DSCAML1: variants seen among roughly 807,000 people sequenced by gnomAD.
The protein encoded by DSCAML1 is DS cell adhesion molecule like 1.
Under a neutral mutation model 200.5 loss-of-function variants are expected in DSCAML1, and 38 were observed. The observed-to-expected ratio is 0.19, with a 90% CI of 0.15 to 0.25. The LOEUF (loss-of-function observed/expected upper bound fraction) is 0.25. Ranked by LOEUF, DSCAML1 falls within the 10% of genes least tolerant of loss-of-function variation. The pLI is 1.00. For missense variants in DSCAML1, 2,223 were observed against 2,858.8 expected (o/e 0.78, Z 5.07); for synonymous variants, 1,215 against 1,165.0 (o/e 1.04, Z -0.87).
At chr11:117,517,884 T>C (rs1447926612) in intron 7 of DSCAML1, among the ~76,000 whole-genome samples, 3 of 152,210 alleles carry the variant, frequency 2.0e-5, no homozygotes, top group East Asian at 1.9e-4. Flanking sequence ...GGAGGCTGCC[T>C]TCCTTGGGAC....
intron 11 of DSCAML1, among the ~76,000 whole-genome samples, chr11:117,495,200 CT>C (rs1359830167): frequency 2.0e-5 from 3 of 152,160 alleles, no homozygotes; most frequent in Admixed American, 6.5e-5. Flanking sequence ...AGTGCACCCC[CT>C]GTTATGCTCC....
Position 117,518,906 on chromosome 11 carries a change from C to T in DSCAML1, c.1214-144G>A. 1.1e-6 allele frequency: 1 copy of T among 914,046 alleles called. No homozygotes were observed. The highest frequency in any genetic ancestry group is 1.6e-6 in the Non-Finnish European group (1 of 622,686). The allele number at this position is 914,046 out of a possible 1,614,324, so 56.6% of individuals were successfully genotyped here. On this transcript the variant is annotated intron_variant, in intron 6 of 32. Coordinates refer to ENST00000651296, the MANE Select transcript of DSCAML1 (RefSeq NM_020693.4). The surrounding 1 kb of genome is among the most constrained non-coding windows in gnomAD (Gnocchi z 6.3). ...TTGTGTACATCAATTCTTCTGCTATCCGCAACCCCAAGTGGTGCCAGTTAC... is the reference window on the plus strand; with the variant it reads ...TTGTGTACATCAATTCTTCTGCTATTCGCAACCCCAAGTGGTGCCAGTTAC...
At chr11:117,774,291 C>T (rs144816801) in intron 3 of DSCAML1, among the ~76,000 whole-genome samples, 47 of 152,288 alleles carry the variant, frequency 3.1e-4, no homozygotes, top group Admixed American at 2.2e-3. Context: ...AGTTCCGGCC[C>T]GTGGGAACTG....
intron 1 of DSCAML1, among the ~76,000 whole-genome samples, chr11:117,811,915 G>A (rs1024177786): frequency 1.1e-4 from 17 of 152,182 alleles, no homozygotes; most frequent in Non-Finnish European, 1.6e-4. Flanking sequence ...CATAACTGCT[G>A]TGCGTATTGA....
At chr11:117,616,344 G>T (rs566486562) in intron 3 of DSCAML1, among the ~76,000 whole-genome samples, 1 of 152,282 alleles carries the variant, frequency 6.6e-6, no homozygotes, top group South Asian at 2.1e-4. Context: ...ATAGTGTGTG[G>T]TTCAAGAATT....
chr11:117,752,063 C>T lies in DSCAML1; in HGVS notation c.511+24728G>A, dbSNP rs574779874. Among the ~76,000 whole-genome samples the T allele has an allele frequency of 4.0e-5, 6 of 151,538 alleles. No homozygotes were observed. The East Asian group carries it at 1.2e-3, about 29-fold the overall frequency. On this transcript the variant is annotated intron_variant, in intron 3 of 32. Transcript: ENST00000651296. ...CTGTGTGTGTGTGTGTGTGTCACTT[C>T]AATGTTTCAGAGTATACTGCAGAAG...
chr11:117,591,411 C>T (rs1312327463), intron 3 of DSCAML1, among the ~76,000 whole-genome samples: 1 of 152,232 alleles, frequency 6.6e-6, no homozygotes, highest in African/African-American at 2.4e-5. Flanking sequence ...GATATAGTCA[C>T]AGAAACCTCG....
intron 5 of DSCAML1, among the ~76,000 whole-genome samples, chr11:117,521,796 C>T (rs2049892148): frequency 6.6e-6 from 1 of 152,164 alleles, no homozygotes; most frequent in South Asian, 2.1e-4. Context: ...AGGCTGTCTC[C>T]CATACTTGCG....
At chr11:117,596,874 G>GA (rs368655171) in intron 3 of DSCAML1, among the ~76,000 whole-genome samples, 38 of 152,236 alleles carry the variant, frequency 2.5e-4, no homozygotes, top group African/African-American at 8.2e-4. Context: ...GGTCTCATAG[G>GA]AAAAAAGAGG....
chr11:117,451,313 T>G (rs1277457407), intron 19 of DSCAML1, among the ~76,000 whole-genome samples: 4 of 152,242 alleles, frequency 2.6e-5, no homozygotes, highest in Admixed American at 2.6e-4. Context: ...GGACTCTGCC[T>G]GGGAGACTGG....
intron 3 of DSCAML1, among the ~76,000 whole-genome samples, chr11:117,689,040 C>G (rs1302942131): frequency 3.3e-5 from 5 of 152,168 alleles, no homozygotes; most frequent in Non-Finnish European, 7.3e-5. Context: ...AGCAGCACAA[C>G]CACCATCCTC....
In DSCAML1 at chr11:117,503,213, C is replaced by A. The variant is rs1428259504; in HGVS notation, c.2359+632G>T. ...GGGGGCAGCACCGAGTTGTAATGAG[C>A]TGCATTGGTCCTTGGGCTTTTCTGA... On this transcript the variant is annotated intron_variant, in intron 11 of 32. Transcript: ENST00000651296. This position sits in a 1 kb window ranked among gnomAD's most constrained non-coding sequence, Gnocchi z 5.2. Among the ~76,000 whole-genome samples the A allele has an allele frequency of 2.6e-5, 4 of 152,162 alleles. No individual in the cohort carries two copies. Among genetic ancestry groups the A allele is most frequent in the Non-Finnish European group, 4.4e-5 (3 of 68,032 alleles).
At chr11:117,665,497 T>G (rs1387903859) in intron 3 of DSCAML1, among the ~76,000 whole-genome samples, 2 of 152,124 alleles carry the variant, frequency 1.3e-5, no homozygotes, top group African/African-American at 4.8e-5. Context: ...GGATGTGAAG[T>G]GCATATGATT....
Position 117,797,174 on chromosome 11 carries a change from C to T in DSCAML1, c.-95G>A. The T allele has an allele frequency of 6.3e-7, 1 of 1,574,804 alleles. No homozygotes were observed. The highest frequency in any genetic ancestry group is 8.6e-7 in the Non-Finnish European group (1 of 1,162,678). On this transcript the variant is annotated 5_prime_UTR_variant, in exon 1 of 33. In the 5' UTR this introduces an upstream ATG that the reference lacks. Transcript: ENST00000651296. ...CTCAGCGCGCTCCCAGCCGCCCGCA[C>T]TCGGCGCCCCGCTCTCTCTGCTCCT...
At chr11:117,564,787 A>C (rs1303651444) in intron 3 of DSCAML1, among the ~76,000 whole-genome samples, 1 of 120,488 alleles carries the variant, frequency 8.3e-6, no homozygotes, top group African/African-American at 3.2e-5. Flanking sequence ...TTTCTTTTTG[A>C]TGGAGTCTCG....
chr11:117,679,948 T>C (rs1045131422), intron 3 of DSCAML1, among the ~76,000 whole-genome samples: 1 of 152,240 alleles, frequency 6.6e-6, no homozygotes, highest in African/African-American at 2.4e-5. Flanking sequence ...GGTCATGTTC[T>C]GTGATGCCCT....
intron 3 of DSCAML1, among the ~76,000 whole-genome samples, chr11:117,595,604 C>T (rs547951204): frequency 5.8e-4 from 89 of 152,298 alleles, no homozygotes; most frequent in African/African-American, 2.0e-3. Context: ...GTGCCAGGGC[C>T]GGCCCCGCCC....
intron 3 of DSCAML1, among the ~76,000 whole-genome samples, chr11:117,775,237 C>T (rs181354830): frequency 1.3e-3 from 203 of 152,248 alleles, no homozygotes; most frequent in Non-Finnish European, 1.9e-3. Context: ...TCATTTGAAC[C>T]CAAGAACCCT....
At chr11:117,534,781 A>G (rs2137349888) in intron 3 of DSCAML1, among the ~76,000 whole-genome samples, 1 of 152,202 alleles carries the variant, frequency 6.6e-6, no homozygotes, top group Admixed American at 6.5e-5. Context: ...GGCTAGCTAA[A>G]AAAAAATTTT....
Sources: allele counts gnomAD v4.1 joint callset (sites outside exome capture counted in the v4.1 genomes callset), GRCh38; gene constraint gnomAD v4.1.1; non-coding constraint Gnocchi (gnomAD v3.1); transcripts MANE v1.5; gene names NCBI Gene and HGNC (gene_info 2026-07-23, HGNC 2026-07-21).